PAIP2B: variants seen among roughly 807,000 people sequenced by gnomAD.
The protein encoded by PAIP2B is polyadenylate-binding protein-interacting protein 2B.
A neutral mutation model predicts 17.0 loss-of-function variants in PAIP2B; 13 were observed. That is an observed-to-expected ratio of 0.76 (90% CI 0.50 to 1.22). The LOEUF is 1.22. Among genes scored for constraint, PAIP2B ranks in the 50% most tolerant of loss-of-function variants. PAIP2B has a pLI of 0.00. For missense variants in PAIP2B, 117 were observed against 144.5 expected (o/e 0.81, Z 0.98); for synonymous variants, 43 against 48.7 (o/e 0.88, Z 0.48).
At chr2:71,221,818 G>A (rs1464027473) in intron 1 of PAIP2B, among the ~76,000 whole-genome samples, 9 of 152,158 alleles carry the variant, frequency 5.9e-5, no homozygotes, top group Admixed American at 5.9e-4. Context: ...CCTCTTACAA[G>A]AGGATTGTAA....
intron 1 of PAIP2B, among the ~76,000 whole-genome samples, chr2:71,219,641 A>G (rs1675526917): frequency 6.6e-6 from 1 of 152,202 alleles, no homozygotes; most frequent in Non-Finnish European, 1.5e-5. Flanking sequence ...GGGCAGCCCC[A>G]TAGAACCTTT....
chr2:71,214,543 G>A (rs2103813477), intron 1 of PAIP2B, among the ~76,000 whole-genome samples: 1 of 152,236 alleles, frequency 6.6e-6, no homozygotes, highest in South Asian at 2.1e-4. Context: ...AATCCATTAT[G>A]TACAATTCTA....
intron 1 of PAIP2B, among the ~76,000 whole-genome samples, chr2:71,223,265 TCG>T: frequency 6.6e-6 from 1 of 151,800 alleles, no homozygotes; most frequent in Non-Finnish European, 1.5e-5. Context: ...ATACAAAAAT[TCG>T]TTGGGTGTGG....
chr2:71,207,521 C>T (rs1241080094), intron 1 of PAIP2B, among the ~76,000 whole-genome samples: 1 of 134,700 alleles, frequency 7.4e-6, no homozygotes, highest in Non-Finnish European at 1.6e-5. Flanking sequence ...CCTTATAATG[C>T]ACCGTAGCAT....
At chr2:71,206,448 C>G (rs1272369125) in intron 1 of PAIP2B, among the ~76,000 whole-genome samples, 1 of 152,152 alleles carries the variant, frequency 6.6e-6, no homozygotes. Flanking sequence ...AGCTCACAAC[C>G]CTGTTAATAG....
intron 1 of PAIP2B, among the ~76,000 whole-genome samples, chr2:71,223,797 TATG>T (rs1675652536): frequency 6.6e-6 from 1 of 152,196 alleles, no homozygotes; most frequent in South Asian, 2.1e-4. Context: ...TGAATGAATA[TATG>T]ATAACTGAAT....
rs1674557682 is a variant in PAIP2B at position 71,186,933 on chromosome 2, T to G, written c.*1546A>C. ...AGTCAACGAGAGCTCATAAGGAGAA[T>G]TTCTTCAGCTTTCCATACCCTAGTC... On this transcript the variant is annotated 3_prime_UTR_variant, in exon 4 of 4. Transcript: ENST00000244221. The G allele has an allele frequency of 6.6e-6, 1 of 152,218 alleles. No individual in the cohort carries two copies. Among genetic ancestry groups the G allele is most frequent in the Non-Finnish European group, 1.5e-5 (1 of 68,052 alleles). 9.4% of individuals were successfully genotyped at this position (152,218 alleles called of 1,614,324 possible).
chr2:71,206,947 A>G (rs1675146859), intron 1 of PAIP2B, among the ~76,000 whole-genome samples: 1 of 152,202 alleles, frequency 6.6e-6, no homozygotes, highest in African/African-American at 2.4e-5. Flanking sequence ...ATTCTGCCAC[A>G]TGATTCGGGT....
In PAIP2B at chr2:71,188,409, G is replaced by T; in HGVS notation, c.*70C>A. On this transcript the variant is annotated 3_prime_UTR_variant, in exon 4 of 4. Transcript: ENST00000244221. ...CTCGCCCGCCCCATCCCCCTCTTCA[G>T]CTCCACCATTTTGTGCATTACTATC... The T allele has an allele frequency of 1.5e-6, 2 of 1,316,594 alleles. No homozygotes were observed. The highest frequency in any genetic ancestry group is 2.1e-6 in the Non-Finnish European group (2 of 934,494). 81.6% of individuals were successfully genotyped at this position (1,316,594 alleles called of 1,614,324 possible).
chr2:71,222,463 C>T (rs554953529), intron 1 of PAIP2B, among the ~76,000 whole-genome samples: 2 of 152,198 alleles, frequency 1.3e-5, no homozygotes, highest in African/African-American at 2.4e-5. Flanking sequence ...CAGATATTCT[C>T]TCTTGGAAAA....
intron 2 of PAIP2B, among the ~76,000 whole-genome samples, chr2:71,197,166 T>C (rs1038678752): frequency 1.3e-5 from 2 of 152,192 alleles, no homozygotes; most frequent in Admixed American, 6.5e-5. Context: ...CTTTCCTTTC[T>C]ATATTTAGTG....
intron 2 of PAIP2B, among the ~76,000 whole-genome samples, chr2:71,198,171 G>A (rs915013746): frequency 1.3e-5 from 2 of 152,058 alleles, no homozygotes; most frequent in Non-Finnish European, 2.9e-5. Flanking sequence ...CCAGGTTAGA[G>A]TGCAGTGATG....
intron 1 of PAIP2B, among the ~76,000 whole-genome samples, chr2:71,216,090 T>C (rs1025276281): frequency 2.0e-5 from 3 of 152,224 alleles, no homozygotes; most frequent in Non-Finnish European, 2.9e-5. Flanking sequence ...TCATAGTGAT[T>C]TTTCTTTTTT....
chr2:71,220,458 G>A (rs1257879615), intron 1 of PAIP2B, among the ~76,000 whole-genome samples: 1 of 152,154 alleles, frequency 6.6e-6, no homozygotes, highest in African/African-American at 2.4e-5. Context: ...TCAGTATGGT[G>A]GATCTGTGGA....
chr2:71,190,409 A>C (rs550952578), intron 2 of PAIP2B, among the ~76,000 whole-genome samples: 1 of 152,294 alleles, frequency 6.6e-6, no homozygotes, highest in Non-Finnish European at 1.5e-5. Context: ...GGGCGACAGA[A>C]TGAGACCCCG....
At chr2:71,193,300 T>C (rs938754297) in intron 2 of PAIP2B, among the ~76,000 whole-genome samples, 1 of 152,186 alleles carries the variant, frequency 6.6e-6, no homozygotes, top group Non-Finnish European at 1.5e-5. Context: ...GTTTTTCTCT[T>C]GTAAATTTAA....
At chr2:71,210,859 A>G (rs1675276055) in intron 1 of PAIP2B, among the ~76,000 whole-genome samples, 1 of 152,218 alleles carries the variant, frequency 6.6e-6, no homozygotes, top group African/African-American at 2.4e-5. Flanking sequence ...TACTCTGGGA[A>G]GAATAATAAA....
intron 1 of PAIP2B, among the ~76,000 whole-genome samples, chr2:71,225,195 G>A (rs931802423): frequency 2.6e-5 from 4 of 152,138 alleles, no homozygotes; most frequent in African/African-American, 9.7e-5. Flanking sequence ...AGGCTCTAGT[G>A]TGATTTATTA....
chr2:71,202,010 T>C (rs1052102349), intron 2 of PAIP2B, among the ~76,000 whole-genome samples: 1 of 152,236 alleles, frequency 6.6e-6, no homozygotes, highest in Non-Finnish European at 1.5e-5. Context: ...TAGAATGGTC[T>C]ACAGTTGCTG....
Sources: gnomAD v4.1 joint callset for allele counts (sites outside exome capture counted in the v4.1 genomes callset) on GRCh38, gnomAD v4.1.1 for gene constraint, MANE v1.5 for transcripts, NCBI Gene and HGNC (gene_info 2026-07-23, HGNC 2026-07-21) for gene names.